DLG2: variants seen among roughly 807,000 people sequenced by gnomAD.
DLG2 encodes the protein discs large MAGUK scaffold protein 2, also known as disks large homolog 2.
In DLG2, 45 loss-of-function variants were observed where a neutral mutation model predicts 132.5. The ratio of observed to expected loss-of-function variants is 0.34; its 90% confidence interval spans 0.27 to 0.44. The LOEUF (loss-of-function observed/expected upper bound fraction) is 0.44. Among genes scored for constraint, DLG2 ranks in the 20% least tolerant of loss-of-function variants. The pLI is 1.00. For missense variants in DLG2, 1,045 were observed against 1,196.9 expected, an observed-to-expected ratio of 0.87 and a Z score of 1.87; for synonymous variants, 424 against 419.6, an observed-to-expected ratio of 1.01 and a Z score of -0.13.
rs145015544 is a variant in DLG2 at position 84,343,147 on chromosome 11, G to T, written c.520-91856C>A. Among the ~76,000 whole-genome samples, 345 of 152,314 alleles carry T rather than the reference G, an allele frequency of 2.3e-3. 2 individuals are homozygous for T. Among genetic ancestry groups the T allele is most frequent in the African/African-American group, 8.1e-3 (338 of 41,558 alleles). Reference sequence around the variant, plus strand: ...TCTGGAGAAGAGAAAGCTTTGCAGAGATGATAACCCATTTAGGGATTTGAT... The same window carrying T: ...TCTGGAGAAGAGAAAGCTTTGCAGATATGATAACCCATTTAGGGATTTGAT... On this transcript the variant is annotated intron_variant, in intron 7 of 27. Transcript: ENST00000376104.
intron 3 of DLG2, among the ~76,000 whole-genome samples, chr11:85,376,303 A>G (rs1011678356): frequency 1.3e-5 from 2 of 152,182 alleles, no homozygotes; most frequent in African/African-American, 4.8e-5. Flanking sequence ...CCTTGAAAAA[A>G]TAAAACATCA....
chr11:84,847,293 G>C (rs142586484), intron 6 of DLG2, among the ~76,000 whole-genome samples: 1 of 152,296 alleles, frequency 6.6e-6, no homozygotes, highest in East Asian at 1.9e-4. Context: ...AGAGGCTAGA[G>C]AAAAGGTTGT....
At chr11:85,362,229 A>C (rs1427257273) in intron 3 of DLG2, among the ~76,000 whole-genome samples, 1 of 152,194 alleles carries the variant, frequency 6.6e-6, no homozygotes, top group Non-Finnish European at 1.5e-5. Context: ...TGCTGGAATT[A>C]TACGCATAAG....
chr11:83,693,199 T>A (rs2081287402), intron 18 of DLG2: 1 of 152,198 alleles, frequency 6.6e-6, no homozygotes, highest in Non-Finnish European at 1.5e-5. Context: ...TCAGCCCTTG[T>A]CACATGCCTG....
intron 2 of DLG2, among the ~76,000 whole-genome samples, chr11:85,604,824 G>A (rs780293119): frequency 2.0e-5 from 3 of 152,140 alleles, no homozygotes; most frequent in Non-Finnish European, 4.4e-5. Flanking sequence ...ATTGTACATG[G>A]TTTAAGAATA....
intron 4 of DLG2, among the ~76,000 whole-genome samples, chr11:85,239,542 T>C (rs963253900): frequency 6.6e-6 from 1 of 152,058 alleles, no homozygotes; most frequent in Admixed American, 6.6e-5. Flanking sequence ...AATTTTCTAA[T>C]ACATTTATTT....
intron 6 of DLG2, among the ~76,000 whole-genome samples, chr11:84,658,296 T>C (rs2099690601): frequency 1.3e-5 from 2 of 152,128 alleles, no homozygotes. Flanking sequence ...TCCTTCTTTC[T>C]AGGTTCATTT....
At chr11:84,825,604 A>G (rs1052625145) in intron 6 of DLG2, among the ~76,000 whole-genome samples, 1 of 151,920 alleles carries the variant, frequency 6.6e-6, no homozygotes. Context: ...TCAGACTCCT[A>G]TAATTACTGA....
intron 6 of DLG2, among the ~76,000 whole-genome samples, chr11:84,713,549 T>C (rs1443767974): frequency 1.3e-5 from 2 of 152,106 alleles, no homozygotes; most frequent in Admixed American, 6.5e-5. Context: ...CAAAGCAATA[T>C]AGTCGTGAGA....
intron 4 of DLG2, among the ~76,000 whole-genome samples, chr11:85,271,185 G>C (rs551431274): frequency 3.0e-4 from 45 of 152,292 alleles, no homozygotes; most frequent in African/African-American, 1.1e-3. Flanking sequence ...ACTAACAGGG[G>C]CCAAGGTAAA....
intron 3 of DLG2, among the ~76,000 whole-genome samples, chr11:85,564,211 C>G (rs761302426): frequency 1.8e-4 from 27 of 151,866 alleles, no homozygotes; most frequent in Non-Finnish European, 3.4e-4. Context: ...CTCTGGCTTC[C>G]CTTTTCATTT....
At chr11:85,498,143 T>C (rs1319734878) in intron 3 of DLG2, among the ~76,000 whole-genome samples, 1 of 151,920 alleles carries the variant, frequency 6.6e-6, no homozygotes, top group Non-Finnish European at 1.5e-5. Flanking sequence ...GCAAATAAAA[T>C]AAAGAGTCAA....
In DLG2 at chr11:84,651,953, G is replaced by C. The variant is rs914072224; in HGVS notation, c.358-117222C>G. Among the ~76,000 whole-genome samples, 9 of 152,012 alleles carry C rather than the reference G, an allele frequency of 5.9e-5. 1 individual carries two copies. The highest frequency in any genetic ancestry group is 5.9e-4 in the Admixed American group (9 of 15,256). On this transcript the variant is annotated intron_variant, in intron 6 of 27. Transcript: ENST00000376104. ...GTCAGAATTATTGGAAGGCGGAGGAGGTACATTGGGAGATGAAGAATATCA... is the reference window on the plus strand; with the variant it reads ...GTCAGAATTATTGGAAGGCGGAGGACGTACATTGGGAGATGAAGAATATCA...
intron 6 of DLG2, among the ~76,000 whole-genome samples, chr11:84,564,150 T>G (rs1055945454): frequency 6.6e-6 from 1 of 152,196 alleles, no homozygotes; most frequent in South Asian, 2.1e-4. Context: ...CAAGTGACCC[T>G]AACTGAAGCT....
intron 3 of DLG2, among the ~76,000 whole-genome samples, chr11:85,304,099 G>C (rs566331435): frequency 6.6e-6 from 1 of 152,244 alleles, no homozygotes; most frequent in East Asian, 1.9e-4. Context: ...ATTGAAGAAA[G>C]GAAGAGGAAG....
At chr11:85,587,158 T>C (rs1267538409) in intron 3 of DLG2, among the ~76,000 whole-genome samples, 2 of 152,216 alleles carry the variant, frequency 1.3e-5, no homozygotes, top group East Asian at 1.9e-4. Context: ...TGCTGATGAG[T>C]AGAATGTATA....
At chr11:84,432,854 C>G (rs1310529253) in intron 7 of DLG2, among the ~76,000 whole-genome samples, 4 of 152,050 alleles carry the variant, frequency 2.6e-5, no homozygotes, top group Non-Finnish European at 4.4e-5. Flanking sequence ...GAAAGCCCAT[C>G]TCTACTAAAA....
Position 85,194,807 on chromosome 11 carries a change from T to G in DLG2, c.187-40156A>C, listed in dbSNP as rs1443770693. Among the ~76,000 whole-genome samples, 4 of 152,340 alleles carry G rather than the reference T, an allele frequency of 2.6e-5. No individual in the cohort carries two copies. In the East Asian group the frequency reaches 7.7e-4, roughly 29 times the overall value. ...ACAAAGCAGATGAATTTTCATTTATTAATTCAGTTTATTTCCTTCATTTAT... is the reference window on the plus strand; with the variant it reads ...ACAAAGCAGATGAATTTTCATTTATGAATTCAGTTTATTTCCTTCATTTAT... On this transcript the variant is annotated intron_variant, in intron 4 of 27. Transcript: ENST00000376104.
intron 7 of DLG2, among the ~76,000 whole-genome samples, chr11:84,394,382 T>C (rs2098803846): frequency 6.6e-6 from 1 of 152,008 alleles, no homozygotes; most frequent in Admixed American, 6.5e-5. Flanking sequence ...AGCCTTCATT[T>C]TTAAAGACAA....
Sources: gnomAD v4.1 joint callset for allele counts (sites outside exome capture counted in the v4.1 genomes callset) on GRCh38, gnomAD v4.1.1 for gene constraint, MANE v1.5 for transcripts, NCBI Gene and HGNC (gene_info 2026-07-23, HGNC 2026-07-21) for gene names.